The following TAFA4 variants were observed in gnomAD, a reference collection of about 807,000 sequenced individuals.
TAFA4 encodes chemokine-like protein TAFA-4.
TAFA4 carries 20 observed loss-of-function variants against 21.1 expected under a neutral mutation model. The observed-to-expected ratio is 0.95, with a 90% CI of 0.67 to 1.38. The LOEUF is 1.38. Among genes scored for constraint, TAFA4 ranks in the 40% most tolerant of loss-of-function variants. The pLI, the probability that TAFA4 is intolerant of heterozygous loss-of-function variation, is 0.00. For synonymous variants in TAFA4, 71 were observed against 67.4 expected (o/e 1.05, Z -0.26); for missense variants, 211 against 180.9 (o/e 1.17, Z -0.95).
rs1024407160 is a variant in TAFA4 at position 68,732,184 on chromosome 3, C to G, written c.*958G>C. On this transcript the variant is annotated 3_prime_UTR_variant, in exon 6 of 6. Coordinates refer to ENST00000295569, the MANE Select transcript of TAFA4 (RefSeq NM_182522.5). ...TTTTAAAGAAATAAGATGGCTAACA[C>G]AGAAGTCACAGAAGTAGGGAAACAG... 11 of 152,448 alleles carry G rather than the reference C, an allele frequency of 7.2e-5. No individual in the cohort carries two copies. Among genetic ancestry groups the G allele is most frequent in the African/African-American group, 2.4e-4 (10 of 41,392 alleles). The allele number at this position is 152,448 out of a possible 1,614,324, so 9.4% of individuals were successfully genotyped here.
At chr3:68,798,643 T>C (rs1703505877) in intron 3 of TAFA4, among the ~76,000 whole-genome samples, 1 of 152,210 alleles carries the variant, frequency 6.6e-6, no homozygotes, top group Non-Finnish European at 1.5e-5. Flanking sequence ...TATAAATGTG[T>C]GAATAACAGC....
At chr3:68,736,371 T>C (rs1385735116) in intron 5 of TAFA4, among the ~76,000 whole-genome samples, 1 of 152,122 alleles carries the variant, frequency 6.6e-6, no homozygotes, top group Non-Finnish European at 1.5e-5. Flanking sequence ...GTAAACTCAG[T>C]GCCAATATTT....
intron 3 of TAFA4, among the ~76,000 whole-genome samples, chr3:68,753,520 G>C (rs777833152): frequency 1.7e-4 from 26 of 151,970 alleles, no homozygotes; most frequent in Non-Finnish European, 2.2e-4. Context: ...ATTTTTAGTA[G>C]AGACAGGGTT....
intron 3 of TAFA4, among the ~76,000 whole-genome samples, chr3:68,815,005 T>A (rs1575621134): frequency 6.6e-6 from 1 of 151,990 alleles, no homozygotes. Flanking sequence ...TCAAAAATAA[T>A]GCCACATATC....
rs569678180 is a variant in TAFA4, at chr3:68,763,081, G to C, written c.131-10063C>G. ...ACACAGTGATGTTTGAGAGCTGCTT[G>C]AACACCATTCATAGCTATTAACTGA... On this transcript the variant is annotated intron_variant, in intron 3 of 5. Transcript: ENST00000295569. 2.6e-5 allele frequency among the ~76,000 whole-genome samples: 4 copies of C among 152,290 alleles called. No individual in the cohort carries two copies. The South Asian group carries it at 8.3e-4, about 32-fold the overall frequency.
intron 3 of TAFA4, among the ~76,000 whole-genome samples, chr3:68,864,318 A>AT (rs2106927510): frequency 6.6e-6 from 1 of 152,314 alleles, no homozygotes; most frequent in South Asian, 2.1e-4. Flanking sequence ...ACCAAAGAAG[A>AT]TAGACAGGTG....
intron 3 of TAFA4, among the ~76,000 whole-genome samples, chr3:68,808,278 T>G (rs1035495742): frequency 6.6e-6 from 1 of 152,178 alleles, no homozygotes; most frequent in African/African-American, 2.4e-5. Context: ...CAGCTGGTCC[T>G]GGGCCCTCAA....
At chr3:68,803,600 G>C (rs998797115) in intron 3 of TAFA4, among the ~76,000 whole-genome samples, 1 of 151,440 alleles carries the variant, frequency 6.6e-6, no homozygotes, top group Non-Finnish European at 1.5e-5. Context: ...GTTGATTCTC[G>C]TTCTCTAACC....
At chr3:68,848,481 T>C (rs1704863859) in intron 3 of TAFA4, among the ~76,000 whole-genome samples, 1 of 152,216 alleles carries the variant, frequency 6.6e-6, no homozygotes, top group South Asian at 2.1e-4. Context: ...GAAGGAGGTA[T>C]TCTTAAATCA....
At chr3:68,835,475 T>C (rs1704501650) in intron 3 of TAFA4, among the ~76,000 whole-genome samples, 1 of 152,218 alleles carries the variant, frequency 6.6e-6, no homozygotes, top group South Asian at 2.1e-4. Flanking sequence ...CATTTCTTCC[T>C]TGTTAGCTGG....
At chr3:68,734,931 A>G (rs1473971131) in intron 5 of TAFA4, among the ~76,000 whole-genome samples, 2 of 152,138 alleles carry the variant, frequency 1.3e-5, no homozygotes, top group South Asian at 2.1e-4. Flanking sequence ...ATTTTGGACA[A>G]CTTCACTGAA....
intron 5 of TAFA4, among the ~76,000 whole-genome samples, chr3:68,735,015 A>T (rs940092708): frequency 1.3e-5 from 2 of 152,104 alleles, no homozygotes; most frequent in Non-Finnish European, 1.5e-5. Flanking sequence ...TGGAAGATTC[A>T]TTGCTACTTC....
chr3:68,929,437 G>C (rs968041968), intron 1 of TAFA4, among the ~76,000 whole-genome samples: 2 of 152,096 alleles, frequency 1.3e-5, no homozygotes, highest in Non-Finnish European at 2.9e-5. Context: ...TAAATATACT[G>C]TATGGCCTCC....
At chr3:68,733,413 A>G (rs1400656799) in intron 5 of TAFA4, among the ~76,000 whole-genome samples, 1 of 152,180 alleles carries the variant, frequency 6.6e-6, no homozygotes, top group Non-Finnish European at 1.5e-5. Context: ...TAAAAATCCC[A>G]TCTGATTAGG....
Position 68,733,087 on chromosome 3 carries a change from A to C in TAFA4, c.*55T>G. ...AAGGGGCCATGATGGGAATCCAAGCAAAAGAGCTCCGCCTCCTGCTGCCCC... is the reference window on the plus strand; with the variant it reads ...AAGGGGCCATGATGGGAATCCAAGCCAAAGAGCTCCGCCTCCTGCTGCCCC... On this transcript the variant is annotated 3_prime_UTR_variant, in exon 6 of 6. Transcript: ENST00000295569. The C allele has an allele frequency of 6.2e-7, 1 of 1,610,814 alleles. No individual in the cohort carries two copies. The highest frequency in any genetic ancestry group is 8.5e-7 in the Non-Finnish European group (1 of 1,178,452).
At chr3:68,863,202 C>T (rs1017246593) in intron 3 of TAFA4, among the ~76,000 whole-genome samples, 3 of 151,914 alleles carry the variant, frequency 2.0e-5, no homozygotes, top group Non-Finnish European at 4.4e-5. Flanking sequence ...ATGATCATAC[C>T]ACTGCACTCC....
At chr3:68,928,058 T>C (rs1050654280) in intron 1 of TAFA4, among the ~76,000 whole-genome samples, 1 of 152,194 alleles carries the variant, frequency 6.6e-6, no homozygotes, top group African/African-American at 2.4e-5. Flanking sequence ...TAACAAGAAC[T>C]CCCTAATATT....
intron 3 of TAFA4, among the ~76,000 whole-genome samples, chr3:68,790,912 C>T (rs972682989): frequency 6.6e-6 from 1 of 152,172 alleles, no homozygotes; most frequent in Non-Finnish European, 1.5e-5. Flanking sequence ...ATGGCAACCC[C>T]CAATGTGTGT....
At chr3:68,833,612 G>GTCT (rs1704452834) in intron 3 of TAFA4, among the ~76,000 whole-genome samples, 1 of 152,168 alleles carries the variant, frequency 6.6e-6, no homozygotes, top group Non-Finnish European at 1.5e-5. Flanking sequence ...ACAGTCAATA[G>GTCT]TCTTTTTTAA....
Sources: allele counts gnomAD v4.1 joint callset (sites outside exome capture counted in the v4.1 genomes callset), GRCh38; gene constraint gnomAD v4.1.1; transcripts MANE v1.5; gene names NCBI Gene and HGNC (gene_info 2026-07-23, HGNC 2026-07-21).